The following SLIT1 variants were observed in gnomAD, a reference collection of about 807,000 sequenced individuals.
SLIT1 encodes slit homolog 1 protein.
SLIT1 carries 66 observed loss-of-function variants against 186.1 expected under a neutral mutation model. The observed-to-expected ratio is 0.35, with a 90% CI of 0.29 to 0.44. The LOEUF (loss-of-function observed/expected upper bound fraction) is 0.44, where lower values mean the gene tolerates loss of function less well. SLIT1 is among the 20% of genes least tolerant of loss of function. The pLI is 1.00. For missense variants in SLIT1, 1,638 were observed against 2,037.4 expected (o/e 0.80, Z 3.77); for synonymous variants, 761 against 833.8 (o/e 0.91, Z 1.50).
At position 97,166,563 on chromosome 10, in the gene SLIT1, G is replaced by A. The variant is rs1168380223; in HGVS notation, c.198-1673C>T. Among the ~76,000 whole-genome samples the A allele has an allele frequency of 1.5e-4, 10 of 68,082 alleles. 1 individual carries two copies. The highest frequency in any genetic ancestry group is 1.4e-3 in the East Asian group (3 of 2,188). The allele number at this position is 68,082 out of a possible 152,430, so 44.7% of individuals were successfully genotyped here. ...GGAAGGAAGGAAGGAAGGAAAGAGAGAGAGAGAGAAAGAAAGAAAGAAAGA... is the reference window on the plus strand; with the variant it reads ...GGAAGGAAGGAAGGAAGGAAAGAGAAAGAGAGAGAAAGAAAGAAAGAAAGA... On this transcript the variant is annotated intron_variant, in intron 1 of 36. Transcript: ENST00000266058.
At chr10:97,060,383 A>G (rs1848882195) in intron 9 of SLIT1, among the ~76,000 whole-genome samples, 1 of 152,216 alleles carries the variant, frequency 6.6e-6, no homozygotes. Context: ...GGGCCCACAA[A>G]TGATGCTGAG....
At chr10:97,005,269 G>A (rs1258730174) in intron 32 of SLIT1, among the ~76,000 whole-genome samples, 1 of 152,234 alleles carries the variant, frequency 6.6e-6, no homozygotes, top group African/African-American at 2.4e-5. Flanking sequence ...AGTCATCCAA[G>A]CCTAGTGGAA....
At chr10:97,061,706 A>G (rs1170064710) in intron 8 of SLIT1, among the ~76,000 whole-genome samples, 1 of 152,216 alleles carries the variant, frequency 6.6e-6, no homozygotes, top group Non-Finnish European at 1.5e-5. Context: ...GTTGTCTCCA[A>G]TTTGGGGCTA....
chr10:97,065,757 A>G (rs1476068187), intron 5 of SLIT1: 1 of 442,724 alleles, frequency 2.3e-6, no homozygotes, highest in African/African-American at 2.0e-5. Context: ...GCCCACGCTG[A>G]TAACACGCTT....
At chr10:97,140,005 C>G (rs1387499077) in intron 4 of SLIT1, among the ~76,000 whole-genome samples, 1 of 152,164 alleles carries the variant, frequency 6.6e-6, no homozygotes. Flanking sequence ...TAGCCTGAAG[C>G]TCCCCTCTTC....
intron 31 of SLIT1, among the ~76,000 whole-genome samples, chr10:97,007,449 C>T (rs1174668129): frequency 3.9e-5 from 6 of 152,130 alleles, no homozygotes; most frequent in Non-Finnish European, 8.8e-5. Flanking sequence ...ATGAGACCAG[C>T]ATTACCCCAA....
chr10:97,132,264 A>C (rs2134695757), intron 4 of SLIT1, among the ~76,000 whole-genome samples: 1 of 152,254 alleles, frequency 6.6e-6, no homozygotes, highest in Middle Eastern at 3.4e-3. Context: ...GCCCCTCTGC[A>C]GGCTCAGGTA....
At chr10:97,119,913 G>GTATATATATATCTA (rs1849543669) in intron 4 of SLIT1, among the ~76,000 whole-genome samples, 1 of 56,510 alleles carries the variant, frequency 1.8e-5, no homozygotes, top group Non-Finnish European at 3.7e-5. Flanking sequence ...TTCCAAAGGG[G>GTATATATATATCTA]TATATATATA....
intron 36 of SLIT1, among the ~76,000 whole-genome samples, chr10:97,001,766 G>A (rs1848312225): frequency 6.6e-6 from 1 of 152,174 alleles, no homozygotes; most frequent in African/African-American, 2.4e-5. Flanking sequence ...CCGGATTCCA[G>A]CAGAAGCCAT....
chr10:97,067,044 G>T (rs1848954305), intron 4 of SLIT1, among the ~76,000 whole-genome samples: 2 of 152,208 alleles, frequency 1.3e-5, no homozygotes, highest in South Asian at 2.1e-4. Flanking sequence ...TGACCCAGTT[G>T]GCCAGTAGCC....
At chr10:97,101,144 AAGG>A (rs1484857714) in intron 4 of SLIT1, among the ~76,000 whole-genome samples, 3 of 152,158 alleles carry the variant, frequency 2.0e-5, no homozygotes, top group Non-Finnish European at 4.4e-5. Flanking sequence ...GAAGCCTCGC[AAGG>A]AGACCAGATA....
At position 97,163,459 on chromosome 10, in the gene SLIT1, A is replaced by T; in HGVS notation, c.270-8T>A. On this transcript the variant is annotated splice_region_variant and splice_polypyrimidine_tract_variant and intron_variant, in intron 2 of 36. Transcript: ENST00000266058. ...TGGTTCTCCATCAGCTGCCTGGGGA[A>T]GCAAAGAGACAAGGACAGCTACAGG... 1 of 1,613,680 alleles carries T rather than the reference A, an allele frequency of 6.2e-7. No homozygotes were observed. The highest frequency in any genetic ancestry group is 1.3e-5 in the African/African-American group (1 of 75,056).
intron 3 of SLIT1, 68 bp downstream of exon 3, chr10:97,163,312 G>T: frequency 7.3e-7 from 1 of 1,374,666 alleles, no homozygotes; most frequent in Non-Finnish European, 1.0e-6. Flanking sequence ...CCTGGCAGCA[G>T]CTTGGCCTGC....
chr10:97,087,388 C>T (rs1849173859), intron 4 of SLIT1, among the ~76,000 whole-genome samples: 1 of 152,240 alleles, frequency 6.6e-6, no homozygotes, highest in African/African-American at 2.4e-5. Context: ...AAACACTTTT[C>T]CCCGTGGTCA....
Position 97,164,884 on chromosome 10 carries a change from G to A in SLIT1, c.204C>T (p.Leu68=). The change falls in exon 2 of 37, where the codon CTC becomes CTT. Residue 68 remains leucine (L), a synonymous_variant. Transcript: ENST00000266058. ...NIPRNTERLE[L]NGNNITRIHK... is the part of the protein sequence containing the mutation. ...GGATCCGAGTGATGTTGTTGCCATT[G>A]AGTTCCCTGGAGGAAGAAGGAGAGA... 1 of 1,612,690 alleles carries A rather than the reference G, an allele frequency of 6.2e-7. No homozygotes were observed. The highest frequency in any genetic ancestry group is 1.7e-4 in the Middle Eastern group (1 of 6,060).
intron 3 of SLIT1, among the ~76,000 whole-genome samples, chr10:97,158,220 A>G (rs1294638790): frequency 6.6e-6 from 1 of 152,208 alleles, no homozygotes; most frequent in East Asian, 1.9e-4. Context: ...CACTGATTCC[A>G]ATGCTGTTTC....
intron 23 of SLIT1, among the ~76,000 whole-genome samples, chr10:97,033,105 G>A (rs1353321523): frequency 1.3e-5 from 2 of 150,982 alleles, no homozygotes; most frequent in Non-Finnish European, 2.9e-5. Flanking sequence ...ATGGGGTGCA[G>A]GGGTGTGATC....
intron 22 of SLIT1, among the ~76,000 whole-genome samples, chr10:97,037,154 G>A (rs1483383832): frequency 6.6e-6 from 1 of 151,544 alleles, no homozygotes; most frequent in Non-Finnish European, 1.5e-5. Context: ...GAGTGCAATG[G>A]TGCGATCTTG....
intron 20 of SLIT1, among the ~76,000 whole-genome samples, chr10:97,041,594 C>G (rs940450320): frequency 1.3e-5 from 2 of 152,000 alleles, no homozygotes; most frequent in East Asian, 3.9e-4. Context: ...GCCTCAGCCT[C>G]CCAAGTAGCT....
Sources: allele counts gnomAD v4.1 joint callset (sites outside exome capture counted in the v4.1 genomes callset), GRCh38; gene constraint gnomAD v4.1.1; transcripts MANE v1.5; gene names NCBI Gene and HGNC (gene_info 2026-07-23, HGNC 2026-07-21).